BCAT2: variants seen among roughly 807,000 people sequenced by gnomAD.
The protein encoded by BCAT2 is branched chain amino acid transaminase 2.
A neutral mutation model predicts 52.9 loss-of-function variants in BCAT2; 44 were observed. The ratio of observed to expected loss-of-function variants is 0.83; its 90% CI spans 0.65 to 1.07. The LOEUF (loss-of-function observed/expected upper bound fraction) is 1.07. BCAT2 is among the 50% of genes least tolerant of loss of function. The pLI is 0.00. For missense variants in BCAT2, 478 were observed against 521.8 expected (o/e 0.92, Z 0.82); for synonymous variants, 215 against 217.1 (o/e 0.99, Z 0.08).
intron 6 of BCAT2, among the ~76,000 whole-genome samples, chr19:48,798,199 C>G (rs1296642513): frequency 1.3e-5 from 2 of 152,218 alleles, no homozygotes; most frequent in African/African-American, 4.8e-5. Context: ...GCTACCGCGC[C>G]TGGCTCCAAA....
At chr19:48,806,824 T>C in intron 2 of BCAT2, 107 bp from the exon 3 acceptor site, 2 of 1,453,622 alleles carry the variant, frequency 1.4e-6, no homozygotes, top group South Asian at 2.3e-5. Context: ...GAAGGACCTG[T>C]CACCCTGGAG....
intron 3 of BCAT2, among the ~76,000 whole-genome samples, chr19:48,806,073 A>G (rs1209841094): frequency 1.6e-4 from 1 of 6,256 alleles, no homozygotes; most frequent in Admixed American, 2.3e-3. Flanking sequence ...TCCCCCCCCA[A>G]TGGCTGTCCC....
In BCAT2 at chr19:48,795,309, A is replaced by G; in HGVS notation, c.*117T>C. 1.4e-6 allele frequency: 2 copies of G among 1,397,962 alleles called. No homozygotes were observed. The highest frequency in any genetic ancestry group is 1.2e-5 in the South Asian group (1 of 81,974). 86.6% of individuals were successfully genotyped at this position (1,397,962 alleles called of 1,614,324 possible). The stretch of plus-strand genomic sequence containing the variant: ...CCACATGGGGGCGCCAGAGACCCAG[A>G]CGCCGCCCGCTGGCCTTTTATTTCG... On this transcript the variant is annotated 3_prime_UTR_variant, in exon 11 of 11. Transcript: ENST00000316273.
Position 48,807,491 on chromosome 19 carries a change from A to C in BCAT2, c.25-417T>G, listed in dbSNP as rs1599810432. 5.7e-6 allele frequency: 1 copy of C among 174,146 alleles called. No homozygotes were observed. Among genetic ancestry groups the C allele is most frequent in the South Asian group, 1.3e-4 (1 of 7,786 alleles). The allele number at this position is 174,146 out of a possible 1,614,324, so 10.8% of individuals were successfully genotyped here. On this transcript the variant is annotated intron_variant, in intron 1 of 10. Transcript: ENST00000316273. The surrounding 1 kb of genome is among the most constrained non-coding windows in gnomAD (Gnocchi z 4.6). ...GCTCCCCCAGAGCTCAGGGGTGCAG[A>C]CCCCAGGCCCGCCTCCCTCAGACCT...
chr19:48,802,120 G>A (rs2034670359), intron 3 of BCAT2, among the ~76,000 whole-genome samples: 1 of 152,048 alleles, frequency 6.6e-6, no homozygotes, highest in African/African-American at 2.4e-5. Context: ...AGGAAATACA[G>A]GTGGCCCTTA....
intron 1 of BCAT2, chr19:48,810,759 C>T: frequency 7.8e-7 from 1 of 1,287,428 alleles, no homozygotes; most frequent in Non-Finnish European, 1.0e-6. Context: ...TTTTTACCTC[C>T]CCGCCAATTA....
rs201944449 is a variant in BCAT2 at position 48,796,571 on chromosome 19, G to A, written c.1065+7C>T. The A allele has an allele frequency of 4.3e-5, 67 of 1,559,340 alleles. No individual in the cohort carries two copies. In the East Asian group the frequency reaches 5.3e-4, roughly 12 times the overall value. On this transcript the variant is annotated splice_region_variant and intron_variant, in intron 9 of 10. Coordinates refer to ENST00000316273, the MANE Select transcript of BCAT2 (RefSeq NM_001190.4). ...CCCTCCCACCCACAATGGCAGCCCCGCCTCACCCTGTCTTTGTACAGGATT... is the reference window on the plus strand; with the variant it reads ...CCCTCCCACCCACAATGGCAGCCCCACCTCACCCTGTCTTTGTACAGGATT...
At chr19:48,802,231 G>T (rs1038776048) in intron 3 of BCAT2, among the ~76,000 whole-genome samples, 1 of 152,072 alleles carries the variant, frequency 6.6e-6, no homozygotes, top group Non-Finnish European at 1.5e-5. Context: ...GATTGGAAAA[G>T]ATCTAAAACT....
At position 48,799,015 on chromosome 19, in the gene BCAT2, G is replaced by C. The variant is rs1395760575; in HGVS notation, c.695+660C>G. 1 of 152,322 alleles carries C rather than the reference G, an allele frequency of 6.6e-6. No individual in the cohort carries two copies. Among genetic ancestry groups the C allele is most frequent in the Admixed American group, 6.5e-5 (1 of 15,280 alleles). 9.4% of individuals were successfully genotyped at this position (152,322 alleles called of 1,614,324 possible). ...CGAATACTGGGGCTCCCACCAGCCT[G>C]GGAGACCCAGGAGAGCAGGGCTCGG... On this transcript the variant is annotated intron_variant, in intron 6 of 10. Transcript: ENST00000316273. The surrounding 1 kb of genome is among the most constrained non-coding windows in gnomAD (Gnocchi z 5.5).
intron 3 of BCAT2, among the ~76,000 whole-genome samples, chr19:48,806,186 C>T (rs1466640129): frequency 6.7e-6 from 1 of 148,164 alleles, no homozygotes; most frequent in Non-Finnish European, 1.5e-5. Flanking sequence ...CTCTAAGCTT[C>T]CCTCTATGCC....
Position 48,795,323 on chromosome 19 carries a change from C to G in BCAT2, c.*103G>C, listed in dbSNP as rs1166780869. 6.0e-6 allele frequency: 9 copies of G among 1,501,982 alleles called. 1 individual carries two copies. Among genetic ancestry groups the G allele is most frequent in the Admixed American group, 3.6e-5 (2 of 55,974 alleles). The allele number at this position is 1,501,982 out of a possible 1,614,324, so 93.0% of individuals were successfully genotyped here. On this transcript the variant is annotated 3_prime_UTR_variant, in exon 11 of 11. Transcript: ENST00000316273. The stretch of plus-strand genomic sequence containing the variant: ...CAGAGACCCAGACGCCGCCCGCTGG[C>G]CTTTTATTTCGTATTGCACTTCAGG...
Position 48,800,291 on chromosome 19 carries a change from C to CA in BCAT2, c.306dup (p.Glu103Ter). On this transcript the variant is annotated frameshift_variant, in exon 4 of 11. Transcript: ENST00000316273. LOFTEE classifies it high-confidence loss of function. ...TTGCCTTTGAACGCCTTCATGCCCT[C>CA]AAACAGCTGCGGGGACACGCGGGTG... The CA allele has an allele frequency of 6.2e-7, 1 of 1,613,504 alleles. No individual in the cohort carries two copies. Among genetic ancestry groups the CA allele is most frequent in the Non-Finnish European group, 8.5e-7 (1 of 1,180,024 alleles).
chr19:48,806,657 G>T lies in BCAT2; in HGVS notation c.160C>A (p.Pro54Thr). The change falls in exon 3 of 11, where the codon CCC (proline) becomes ACC (threonine). Residue 54 changes from proline (P) to threonine (T), a missense_variant. Pro to Thr is a conservative substitution (Grantham distance 38, BLOSUM62 -1). Coordinates refer to ENST00000316273, the MANE Select transcript of BCAT2 (RefSeq NM_001190.4). ...GTAAATGTCTTCCCAAACACCAGGG[G>T]CTCGCCGGGGCCAGGCTTCTTATGA... ...KPHKKPGPGE[P>T]LVFGKTFTDH... The T allele has an allele frequency of 1.2e-6, 2 of 1,614,084 alleles. No individual in the cohort carries two copies. Among genetic ancestry groups the T allele is most frequent in the African/African-American group, 1.3e-5 (1 of 75,036 alleles).
rs2034807576 is a variant in BCAT2 at position 48,807,185 on chromosome 19, C to T, written c.25-111G>A. The T allele has an allele frequency of 2.2e-6, 2 of 911,000 alleles. No homozygotes were observed. The highest frequency in any genetic ancestry group is 1.7e-5 in the African/African-American group (1 of 59,560). 56.4% of individuals were successfully genotyped at this position (911,000 alleles called of 1,614,324 possible). A position where few individuals can be genotyped will look rare whatever the true frequency, so the allele number is the denominator to read the frequency against. ...GTCCCACTGGCCTGCCTGTTCTGTC[C>T]CAGTTTCAGTCCATTCTAGACGGGG... is the stretch of plus-strand genomic sequence containing the variant. On this transcript the variant is annotated intron_variant, in intron 1 of 10. Coordinates refer to ENST00000316273, the MANE Select transcript of BCAT2 (RefSeq NM_001190.4). The surrounding 1 kb of genome is among the most constrained non-coding windows in gnomAD (Gnocchi z 4.6).
rs1132361 is a variant in BCAT2 at position 48,796,494 on chromosome 19, G to A, written c.1074C>T (p.His358=). Residue 358 remains histidine, a synonymous_variant, in exon 10 of 11, where the codon CAC becomes CAT. Coordinates refer to ENST00000316273, the MANE Select transcript of BCAT2 (RefSeq NM_001190.4). ...HRILYKDRNL[H]IPTMENGPEL... ...CAGGCCCATTTTCCATGGTGGGAAT[G>A]TGGAGGTTCTGGGACAGAAGGTGCG... is the stretch of plus-strand genomic sequence containing the variant. The A allele has an allele frequency of 1.9e-6, 3 of 1,613,512 alleles. No homozygotes were observed. The highest frequency in any genetic ancestry group is 2.5e-6 in the Non-Finnish European group (3 of 1,179,908).
chr19:48,808,006 A>G, intron 1 of BCAT2: 1 of 986,328 alleles, frequency 1.0e-6, no homozygotes, highest in Non-Finnish European at 1.2e-6. Flanking sequence ...GTTGAGAGAG[A>G]CAGAGTGGCC....
rs576088373 is a variant in BCAT2, at chr19:48,807,305, G to T, written c.25-231C>A. 43 of 474,624 alleles carry T rather than the reference G, an allele frequency of 9.1e-5. No homozygotes were observed. The highest frequency in any genetic ancestry group is 7.2e-5 in the Non-Finnish European group (19 of 265,410). 29.4% of individuals were successfully genotyped at this position (474,624 alleles called of 1,614,324 possible). On this transcript the variant is annotated intron_variant, in intron 1 of 10. Coordinates refer to ENST00000316273, the MANE Select transcript of BCAT2 (RefSeq NM_001190.4). The surrounding 1 kb of genome is among the most constrained non-coding windows in gnomAD (Gnocchi z 4.6). ...GCTCCCGCCCCCTCCTCCATGCTGC[G>T]GCAAAGTCAAACGCAAGCGCCTCCC...
chr19:48,806,457 A>C, intron 3 of BCAT2, 60 bp downstream of exon 3: 1 of 1,586,578 alleles, frequency 6.3e-7, no homozygotes, highest in East Asian at 2.2e-5. Flanking sequence ...CTGGCAAGAG[A>C]CACAGCAAGG....
In BCAT2 at chr19:48,799,775, C is replaced by T; in HGVS notation, c.595G>A (p.Ala199Thr). Residue 199 changes from alanine to threonine, a missense_variant, in exon 6 of 11, where the codon GCC becomes ACC. Physicochemically the swap from Ala to Thr is moderately conservative, Grantham distance 58 (BLOSUM62 0). Coordinates refer to ENST00000316273, the MANE Select transcript of BCAT2 (RefSeq NM_001190.4). This position sits in a 1 kb window ranked among gnomAD's most constrained non-coding sequence, Gnocchi z 5.5. ...GTCACGGAGCCTCCAGGGAAGTAGG[C>T]ACCCACTGGGCAGAGAATGACGAAC... ...LLFVILCPVGAYFPGGSVTPV... is the reference protein window; with the variant it reads ...LLFVILCPVGTYFPGGSVTPV... The T allele has an allele frequency of 1.9e-6, 3 of 1,570,862 alleles. No individual in the cohort carries two copies. Among genetic ancestry groups the T allele is most frequent in the Non-Finnish European group, 2.6e-6 (3 of 1,158,096 alleles).
Sources: gnomAD v4.1 joint callset for allele counts (sites outside exome capture counted in the v4.1 genomes callset) on GRCh38, gnomAD v4.1.1 for gene constraint, Gnocchi (gnomAD v3.1) non-coding constraint, MANE v1.5 for transcripts, NCBI Gene and HGNC (gene_info 2026-07-23, HGNC 2026-07-21) for gene names.